MGAM: variants seen among roughly 807,000 people sequenced by gnomAD.
MGAM encodes alpha-1,4-glucosidase.
A neutral mutation model predicts 358.8 loss-of-function variants in MGAM; 253 were observed. That is an observed-to-expected ratio of 0.71 (90% confidence interval 0.64 to 0.78). The LOEUF (loss-of-function observed/expected upper bound fraction) is 0.78. Ranked by LOEUF, MGAM falls within the 30% of genes least tolerant of loss-of-function variation. The pLI is 0.00. For missense variants in MGAM, 3,080 were observed against 3,432.6 expected, an observed-to-expected ratio of 0.90 and a Z score of 2.57; for synonymous variants, 1,105 against 1,227.1, an observed-to-expected ratio of 0.90 and a Z score of 2.08.
chr7:142,027,512 G>A (rs1427448345), intron 9 of MGAM, 98 bp from the exon 10 acceptor site: 6 of 1,297,392 alleles, frequency 4.6e-6, no homozygotes, highest in African/African-American at 3.0e-5. Flanking sequence ...CAGTGCATTG[G>A]GAAATGGACT....
chr7:142,039,449 A>G (rs1292309243), intron 19 of MGAM, among the ~76,000 whole-genome samples: 1 of 151,974 alleles, frequency 6.6e-6, no homozygotes, highest in Non-Finnish European at 1.5e-5. Context: ...ACTCACTATC[A>G]CCAGGACAGA....
chr7:142,038,648 T>C, intron 19 of MGAM, 33 bp downstream of exon 19: 1 of 1,497,016 alleles, frequency 6.7e-7, no homozygotes, highest in Non-Finnish European at 9.1e-7. Context: ...ACTAGAGATC[T>C]CTGCATCTGT....
chr7:142,026,966 A>G, intron 8 of MGAM, 149 bp from the exon 9 acceptor site: 1 of 591,862 alleles, frequency 1.7e-6, no homozygotes. Context: ...TTGGATGGTC[A>G]GGGTTTTCAC....
At position 142,040,804 on chromosome 7, in the gene MGAM, A is replaced by C. The variant is rs745567095; in HGVS notation, c.2456A>C (p.Tyr819Ser). Residue 819 changes from tyrosine (Y) to serine (S), a missense_variant, in exon 21 of 71, where the codon TAC (tyrosine) becomes TCC (serine). By Grantham distance (144) the Tyr-to-Ser change is moderately radical. Transcript: ENST00000475668. ...ATTGGACTTCACCTTCGAGGAGGCT[A>C]CATCTTCCCCACACAGCAGCCAAAT... Reference protein sequence around the residue: ...DKIGLHLRGGYIFPTQQPNTT... With the variant: ...DKIGLHLRGGSIFPTQQPNTT... The C allele has an allele frequency of 6.2e-7, 1 of 1,613,098 alleles. No homozygotes were observed. Among genetic ancestry groups the C allele is most frequent in the Non-Finnish European group, 8.5e-7 (1 of 1,179,458 alleles).
Position 142,088,996 on chromosome 7 carries a change from GTATCTATCTATC to G in MGAM, c.6810+2307_6810+2318del, listed in dbSNP as rs71166560. Among the ~76,000 whole-genome samples, 226 of 117,990 alleles carry G rather than the reference GTATCTATCTATC, an allele frequency of 1.9e-3. 24 individuals are homozygous for G. Among genetic ancestry groups the G allele is most frequent in the South Asian group, 3.5e-3 (11 of 3,180 alleles). The allele number at this position is 117,990 out of a possible 152,430, so 77.4% of individuals were successfully genotyped here. On this transcript the variant is annotated intron_variant, in intron 57 of 70. Transcript: ENST00000475668. Reference sequence around the variant, plus strand: ...TGTATGTATGTATGTATGTATGTATGTATCTATCTATCTATCTATCTATCTATCTATCTATCT... The same window carrying G: ...TGTATGTATGTATGTATGTATGTATGTATCTATCTATCTATCTATCTATCT...
chr7:142,002,759 A>G (rs1256258982), intron 1 of MGAM, among the ~76,000 whole-genome samples: 1 of 152,064 alleles, frequency 6.6e-6, no homozygotes, highest in Non-Finnish European at 1.5e-5. Flanking sequence ...AGAAAATAAC[A>G]GGCATCCAAA....
intron 1 of MGAM, among the ~76,000 whole-genome samples, chr7:142,001,814 A>G (rs187378537): frequency 7.2e-4 from 110 of 152,298 alleles, no homozygotes; most frequent in Non-Finnish European, 1.1e-3. Context: ...TTTTGTAGGA[A>G]CATTCTGTTT....
intron 7 of MGAM, among the ~76,000 whole-genome samples, chr7:142,024,847 G>T (rs1294854011): frequency 6.6e-6 from 1 of 152,016 alleles, no homozygotes; most frequent in Non-Finnish European, 1.5e-5. Context: ...AATGATAATA[G>T]CTGGCTCATT....
upstream of MGAM, among the ~76,000 whole-genome samples, chr7:141,994,837 T>C (rs1804113905): frequency 6.6e-6 from 1 of 152,188 alleles, no homozygotes. Context: ...CCTTCCACCA[T>C]GATTGTTTCC....
In MGAM at chr7:142,080,169, G is replaced by T. The variant is rs1356385967; in HGVS notation, c.5848-622G>T. Among the ~76,000 whole-genome samples, 30 of 146,420 alleles carry T rather than the reference G, an allele frequency of 2.0e-4. 7 individuals are homozygous for T. The highest frequency in any genetic ancestry group is 4.2e-4 in the Non-Finnish European group (27 of 64,672). On this transcript the variant is annotated intron_variant, in intron 49 of 70. Coordinates refer to ENST00000475668, the MANE Select transcript of MGAM (RefSeq NM_001365693.1). ...CTCAGTCTCCCAGAAACAATGTTAGGCATTTCCTTCTCTAGAGTCTCACAG... is the reference window on the plus strand; with the variant it reads ...CTCAGTCTCCCAGAAACAATGTTAGTCATTTCCTTCTCTAGAGTCTCACAG...
chr7:142,008,408 C>T, intron 2 of MGAM, 98 bp from the exon 3 acceptor site: 1 of 1,299,388 alleles, frequency 7.7e-7, no homozygotes, highest in Non-Finnish European at 1.0e-6. Flanking sequence ...AGAGTGAAGC[C>T]TACTCAGTAG....
At position 142,041,887 on chromosome 7, in the gene MGAM, T is replaced by A. The variant is rs1293965972; in HGVS notation, c.2498+1041T>A. 1.2e-4 allele frequency among the ~76,000 whole-genome samples: 6 copies of A among 48,454 alleles called. 1 individual carries two copies. Among genetic ancestry groups the A allele is most frequent in the African/African-American group, 6.2e-4 (6 of 9,622 alleles). The allele number at this position is 48,454 out of a possible 152,430, so 31.8% of individuals were successfully genotyped here. A position where few individuals can be genotyped will look rare whatever the true frequency, so the allele number is the denominator to read the frequency against. ...TATATATATATTATATATATACGTA[T>A]AATATATAATATATATATTATATAT... is the stretch of plus-strand genomic sequence containing the variant. On this transcript the variant is annotated intron_variant, in intron 21 of 70. Coordinates refer to ENST00000475668, the MANE Select transcript of MGAM (RefSeq NM_001365693.1).
chr7:142,034,167 G>T (rs1807758154), intron 14 of MGAM, 95 bp from the exon 15 acceptor site: 1 of 800,280 alleles, frequency 1.2e-6, no homozygotes, highest in African/African-American at 1.8e-5. Flanking sequence ...CCACAAAAGT[G>T]CCTGCCCAGG....
intron 2 of MGAM, among the ~76,000 whole-genome samples, chr7:142,007,235 T>G (rs1440961202): frequency 6.6e-6 from 1 of 152,134 alleles, no homozygotes; most frequent in African/African-American, 2.4e-5. Context: ...TTATACATAG[T>G]TTTTTCATAA....
intron 47 of MGAM, among the ~76,000 whole-genome samples, chr7:142,078,054 A>G (rs1813891704): frequency 6.9e-6 from 1 of 145,428 alleles, no homozygotes; most frequent in South Asian, 2.2e-4. Flanking sequence ...GGTGATCGCG[A>G]CAGGTTTTAT....
At chr7:142,082,606 G>A in intron 52 of MGAM, 35 bp downstream of exon 52, 1 of 1,401,714 alleles carries the variant, frequency 7.1e-7, no homozygotes, top group South Asian at 1.2e-5. Flanking sequence ...ATTTTGGGGG[G>A]ATACCAGTCA....
chr7:142,034,445 C>A, intron 15 of MGAM, 66 bp downstream of exon 15: 1 of 1,230,006 alleles, frequency 8.1e-7, no homozygotes, highest in Non-Finnish European at 1.1e-6. Context: ...GTTTTTAATT[C>A]TTGGAGATTA....
chr7:142,094,342 C>T (rs777787920), intron 60 of MGAM, 22 bp from the exon 61 acceptor site: 1 of 1,504,286 alleles, frequency 6.6e-7, no homozygotes, highest in Admixed American at 2.0e-5. Flanking sequence ...CCTCAGTTCA[C>T]CTCCTTTTCC....
rs916278121 is a variant in MGAM, at chr7:142,021,833, G to C, written c.710+96G>C. 6 of 1,317,246 alleles carry C rather than the reference G, an allele frequency of 4.6e-6. No homozygotes were observed. The Admixed American group carries it at 1.1e-4, about 24-fold the overall frequency. The allele number at this position is 1,317,246 out of a possible 1,614,324, so 81.6% of individuals were successfully genotyped here. A position where few individuals can be genotyped will look rare whatever the true frequency, so the allele number is the denominator to read the frequency against. On this transcript the variant is annotated intron_variant, in intron 6 of 70. Transcript: ENST00000475668. The stretch of plus-strand genomic sequence containing the variant: ...GGGTGTTTCAACAATATTCCTGAAG[G>C]TTGTGGGCCCATTATTGGTGACCAG...
Sources: allele counts gnomAD v4.1 joint callset (sites outside exome capture counted in the v4.1 genomes callset), GRCh38; gene constraint gnomAD v4.1.1; transcripts MANE v1.5; gene names NCBI Gene and HGNC (gene_info 2026-07-23, HGNC 2026-07-21).